CASP6: variants seen among roughly 807,000 people sequenced by gnomAD.
CASP6 encodes caspase 6, also known as caspase-6.
In CASP6, 20 loss-of-function variants were observed where a neutral mutation model predicts 31.8. That is an observed-to-expected ratio of 0.63 (90% CI 0.44 to 0.91). The LOEUF is 0.91. Ranked by LOEUF, CASP6 falls within the 40% of genes least tolerant of loss-of-function variation. The pLI is 0.00. For synonymous variants in CASP6, 130 were observed against 127.8 expected (o/e 1.02, Z -0.12); for missense variants, 328 against 361.1 (o/e 0.91, Z 0.74).
At chr4:109,696,568 A>G (rs1200835961) in intron 3 of CASP6, 82 bp from the exon 4 acceptor site, 1 of 856,146 alleles carries the variant, frequency 1.2e-6, no homozygotes, top group African/African-American at 1.7e-5. Flanking sequence ...ATCTATACAC[A>G]TTTTAACGAC....
intron 1 of CASP6, among the ~76,000 whole-genome samples, chr4:109,701,106 C>T (rs995005176): frequency 6.6e-6 from 1 of 151,856 alleles, no homozygotes; most frequent in Non-Finnish European, 1.5e-5. Context: ...TACAGGCATG[C>T]GCCACCACAC....
intron 5 of CASP6, among the ~76,000 whole-genome samples, chr4:109,693,833 G>A (rs549761902): frequency 1.6e-4 from 24 of 151,678 alleles, no homozygotes; most frequent in African/African-American, 5.6e-4. Flanking sequence ...CTGCCTCCCA[G>A]GTTCAAGCAA....
At chr4:109,698,677 T>C (rs1030217058) in intron 1 of CASP6, among the ~76,000 whole-genome samples, 1 of 152,192 alleles carries the variant, frequency 6.6e-6, no homozygotes, top group Non-Finnish European at 1.5e-5. Flanking sequence ...GTTGCTTTGT[T>C]ATGCAGAAAA....
the CASP6 span, among the ~76,000 whole-genome samples, chr4:109,709,143 TGAA>T: frequency 6.6e-6 from 1 of 152,250 alleles, no homozygotes; most frequent in African/African-American, 2.4e-5. Context: ...TTTTCAGCAC[TGAA>T]GATTACCTAA....
intron 5 of CASP6, among the ~76,000 whole-genome samples, chr4:109,691,626 A>G (rs575905292): frequency 6.6e-6 from 1 of 152,348 alleles, no homozygotes; most frequent in South Asian, 2.1e-4. Flanking sequence ...GGCTAACATT[A>G]AACTCTTCTC....
chr4:109,664,422 CTTTTTT>C, the CASP6 span: 3 of 616,460 alleles, frequency 4.9e-6, no homozygotes, highest in Admixed American at 6.1e-5. Flanking sequence ...CCAACTATTA[CTTTTTT>C]TTTTTTTTTT....
intron 3 of CASP6, 150 bp downstream of exon 3, chr4:109,697,472 G>C: frequency 1.3e-6 from 1 of 797,544 alleles, no homozygotes; most frequent in Non-Finnish European, 1.9e-6. Flanking sequence ...TCACTCTGTT[G>C]CCCAGACTTG....
At chr4:109,702,015 C>A (rs1730435025) in intron 1 of CASP6, among the ~76,000 whole-genome samples, 1 of 152,168 alleles carries the variant, frequency 6.6e-6, no homozygotes, top group Non-Finnish European at 1.5e-5. Flanking sequence ...GAAAATCTAC[C>A]CATCGGCTCC....
At chr4:109,703,798 TCCTTACTTTGCTATG>T (rs953423642), upstream of CASP6, among the ~76,000 whole-genome samples, 39 of 152,340 alleles carry the variant, frequency 2.6e-4, no homozygotes, top group Non-Finnish European at 4.6e-4. Flanking sequence ...CATTTGCTAT[TCCTTACTTTGCTATG>T]CCTGTACTTT....
downstream of CASP6, among the ~76,000 whole-genome samples, chr4:109,684,284 G>C (rs558553594): frequency 6.6e-6 from 1 of 151,984 alleles, no homozygotes; most frequent in Non-Finnish European, 1.5e-5. Context: ...GGATGGTCTC[G>C]ATCTCCTGAC....
chr4:109,673,152 A>G, the CASP6 span, among the ~76,000 whole-genome samples: 1 of 152,208 alleles, frequency 6.6e-6, no homozygotes, highest in African/African-American at 2.4e-5. Context: ...GGAAGAGGAA[A>G]TCCCTGTTAA....
At chr4:109,684,616 C>G (rs779090173), downstream of CASP6, 1 of 1,561,376 alleles carries the variant, frequency 6.4e-7, no homozygotes, top group Admixed American at 1.7e-5. Flanking sequence ...ATTCTATGGT[C>G]TTTTTTGCAT....
chr4:109,678,301 A>T, the CASP6 span, among the ~76,000 whole-genome samples: 1 of 150,998 alleles, frequency 6.6e-6, no homozygotes, highest in Non-Finnish European at 1.5e-5. Flanking sequence ...CGCCATCATC[A>T]TCATGGCCTG....
upstream of CASP6, among the ~76,000 whole-genome samples, chr4:109,706,142 T>TATAC (rs1561266852): frequency 1.3e-5 from 1 of 79,448 alleles, no homozygotes; most frequent in Non-Finnish European, 2.1e-5. Context: ...TATATATATA[T>TATAC]ATATATATAT....
Position 109,696,421 on chromosome 4 carries a change from T to C in CASP6, c.296A>G (p.Lys99Arg), listed in dbSNP as rs377529968. ...NDLKAEELLLKIHEVSTVSHA... is the reference protein window; with the variant it reads ...NDLKAEELLLRIHEVSTVSHA... ...GCAAAACTACCTACCCTCATGAATTTTGAGCAGTAGTTCTTCTGCTTTAAG... is the reference window on the plus strand; with the variant it reads ...GCAAAACTACCTACCCTCATGAATTCTGAGCAGTAGTTCTTCTGCTTTAAG... Residue 99 changes from lysine (K) to arginine (R), a missense_variant, in exon 4 of 7, where the codon AAA (lysine) becomes AGA (arginine). Coordinates refer to ENST00000265164, the MANE Select transcript of CASP6 (RefSeq NM_001226.4). 7.4e-6 allele frequency: 12 copies of C among 1,612,120 alleles called. No individual in the cohort carries two copies. In the African/African-American group the frequency reaches 1.2e-4, roughly 16 times the overall value.
the CASP6 span, among the ~76,000 whole-genome samples, chr4:109,681,012 ACT>A: frequency 2.0e-3 from 298 of 151,856 alleles, no homozygotes; most frequent in African/African-American, 7.0e-3. Flanking sequence ...TATATTAAAA[ACT>A]CTGAAACCGT....
chr4:109,673,554 A>C, the CASP6 span, among the ~76,000 whole-genome samples: 2 of 152,256 alleles, frequency 1.3e-5, no homozygotes, highest in African/African-American at 4.8e-5. Flanking sequence ...GGGACACAGC[A>C]GGTATAGTTA....
the CASP6 span, among the ~76,000 whole-genome samples, chr4:109,675,466 G>C: frequency 6.6e-6 from 1 of 152,174 alleles, no homozygotes; most frequent in African/African-American, 2.4e-5. Context: ...ATAGCTCAAG[G>C]CCACATCATT....
chr4:109,706,558 C>T (rs943949752), upstream of CASP6, among the ~76,000 whole-genome samples: 4 of 152,178 alleles, frequency 2.6e-5, no homozygotes, highest in African/African-American at 4.8e-5. Context: ...GGGATTGACC[C>T]CAATTTTGAA....
Sources: allele counts gnomAD v4.1 joint callset (sites outside exome capture counted in the v4.1 genomes callset), GRCh38; gene constraint gnomAD v4.1.1; transcripts MANE v1.5; gene names NCBI Gene and HGNC (gene_info 2026-07-23, HGNC 2026-07-21).